Variants in COL5A1 observed in about 807,000 individuals in gnomAD.
The protein encoded by COL5A1 is collagen type V alpha 1 chain, also known as collagen alpha-1(V) chain.
A neutral mutation model predicts 263.7 loss-of-function variants in COL5A1; 16 were observed. That is an observed-to-expected ratio of 0.06 (90% CI 0.04 to 0.09). COL5A1 has a LOEUF of 0.09. Ranked by LOEUF, COL5A1 falls within the 10% of genes least tolerant of loss-of-function variation. The pLI is 1.00. For synonymous variants in COL5A1, 1,012 were observed against 1,004.5 expected (o/e 1.01, Z -0.14); for missense variants, 2,036 against 2,540.5 (o/e 0.80, Z 4.27).
chr9:134,662,244 G>A (rs952325201), intron 1 of COL5A1, among the ~76,000 whole-genome samples: 1 of 151,824 alleles, frequency 6.6e-6, no homozygotes, highest in Non-Finnish European at 1.5e-5. Flanking sequence ...AGTCGTGTAC[G>A]CGGCCAGCAC....
intron 1 of COL5A1, among the ~76,000 whole-genome samples, chr9:134,671,158 T>G (rs12378768): frequency 0.028 from 4,308 of 152,316 alleles, 86 homozygotes; most frequent in Non-Finnish European, 0.043. Context: ...TTCACCCACT[T>G]CTGGGAGGGC....
At chr9:134,784,419 C>G (rs1466680110) in intron 29 of COL5A1, among the ~76,000 whole-genome samples, 1 of 152,228 alleles carries the variant, frequency 6.6e-6, no homozygotes, top group African/African-American at 2.4e-5. Flanking sequence ...AGAGCCCTCT[C>G]CCCTTTCTGA....
At chr9:134,671,502 G>T (rs984153016) in intron 1 of COL5A1, among the ~76,000 whole-genome samples, 1 of 152,098 alleles carries the variant, frequency 6.6e-6, no homozygotes, top group East Asian at 1.9e-4. Flanking sequence ...CCTCCCAAAG[G>T]TCACAGTGAC....
At chr9:134,822,837 C>A in intron 59 of COL5A1, 161 bp from the exon 60 acceptor site, 1 of 856,048 alleles carries the variant, frequency 1.2e-6, no homozygotes, top group Non-Finnish European at 1.9e-6. Context: ...CAGGCCCCGA[C>A]CCTCCTCCCA....
chr9:134,744,458 C>A (rs1835406390), intron 11 of COL5A1, among the ~76,000 whole-genome samples: 1 of 152,026 alleles, frequency 6.6e-6, no homozygotes, highest in East Asian at 1.9e-4. Context: ...CACGCACACA[C>A]TCACCTATAC....
rs998762434 is a variant in COL5A1 at position 134,682,472 on chromosome 9, G to T, written c.110-8440G>T. ...CCCCAGGACCGACGGAGCCAGCCCA[G>T]TGCCAGGGACAGAGTTGGAAATAAC... On this transcript the variant is annotated intron_variant, in intron 1 of 65. Coordinates refer to ENST00000371817, the MANE Select transcript of COL5A1 (RefSeq NM_000093.5). This position sits in a 1 kb window ranked among gnomAD's most constrained non-coding sequence, Gnocchi z 5.1. Among the ~76,000 whole-genome samples the T allele has an allele frequency of 6.6e-6, 1 of 152,342 alleles. No individual in the cohort carries two copies. The highest frequency in any genetic ancestry group is 2.4e-5 in the African/African-American group (1 of 41,580).
chr9:134,805,204 C>T lies in COL5A1; in HGVS notation c.3248C>T (p.Pro1083Leu). The T allele has an allele frequency of 1.2e-6, 2 of 1,613,996 alleles. No individual in the cohort carries two copies. The highest frequency in any genetic ancestry group is 2.2e-5 in the South Asian group (2 of 91,090). The part of the protein sequence containing the change: ...LKGNEGPPGP[P>L]GPAGSPGERG... ...GGCAATGAAGGGCCCCCTGGCCCAC[C>T]AGGCCCTGCGGTGAGTCAAAGCCTT... Residue 1083 changes from proline (P) to leucine (L), a missense_variant, in exon 41 of 66, where the codon CCA becomes CTA. Coordinates refer to ENST00000371817, the MANE Select transcript of COL5A1 (RefSeq NM_000093.5).
intron 13 of COL5A1, among the ~76,000 whole-genome samples, 170 bp from the exon 14 acceptor site, chr9:134,752,419 C>CGGG (rs11386016): frequency 3.6e-5 from 5 of 140,304 alleles, no homozygotes; most frequent in African/African-American, 1.4e-4. Context: ...CCATCGAAGT[C>CGGG]GGGGGGGGGG....
intron 59 of COL5A1, 191 bp from the exon 60 acceptor site, chr9:134,822,807 C>T: frequency 1.4e-6 from 1 of 706,398 alleles, no homozygotes; most frequent in Non-Finnish European, 2.5e-6. Flanking sequence ...CCTGTGTCTC[C>T]ACGAGGGGTG....
At chr9:134,752,889 C>T (rs889005125) in intron 14 of COL5A1, among the ~76,000 whole-genome samples, 4 of 152,040 alleles carry the variant, frequency 2.6e-5, no homozygotes, top group South Asian at 2.1e-4. Context: ...GGGAGTTCAG[C>T]GGGGTAGAGC....
chr9:134,807,207 G>A (rs1838326546), intron 42 of COL5A1, among the ~76,000 whole-genome samples: 1 of 152,240 alleles, frequency 6.6e-6, no homozygotes, highest in African/African-American at 2.4e-5. Context: ...GTCAGAATGA[G>A]CTTGAGTTCT....
intron 4 of COL5A1, among the ~76,000 whole-genome samples, chr9:134,712,723 GC>G (rs1259214243): frequency 7.2e-6 from 1 of 138,724 alleles, no homozygotes; most frequent in Non-Finnish European, 1.5e-5. Flanking sequence ...CTTTCTTCTT[GC>G]CCCCATCTTT....
intron 23 of COL5A1, 29 bp downstream of exon 23, chr9:134,767,082 A>C: frequency 6.2e-7 from 1 of 1,610,690 alleles, no homozygotes. Flanking sequence ...GGCAGCTCGC[A>C]GGGATCCGGC....
At chr9:134,704,210 C>T (rs1833767523) in intron 4 of COL5A1, among the ~76,000 whole-genome samples, 1 of 152,072 alleles carries the variant, frequency 6.6e-6, no homozygotes, top group African/African-American at 2.4e-5. Context: ...CCACTGTTTC[C>T]CAGGGGTGAG....
In COL5A1 at chr9:134,789,735, G is replaced by A. The variant is rs530795164; in HGVS notation, c.2700+527G>A. On this transcript the variant is annotated intron_variant, in intron 32 of 65. Transcript: ENST00000371817. The surrounding 1 kb of genome is among the most constrained non-coding windows in gnomAD (Gnocchi z 4.8). Reference sequence around the variant, plus strand: ...AGTCCCCTTTGTCCTCACCCTCAGCGAAGGAACAGGGGGCCGGGCTGAGGG... The same window carrying A: ...AGTCCCCTTTGTCCTCACCCTCAGCAAAGGAACAGGGGGCCGGGCTGAGGG... 3.9e-5 allele frequency among the ~76,000 whole-genome samples: 6 copies of A among 152,302 alleles called. No individual in the cohort carries two copies. The highest frequency in any genetic ancestry group is 1.9e-4 in the East Asian group (1 of 5,182).
Position 134,795,266 on chromosome 9 carries a change from C to T in COL5A1, c.2750C>T (p.Pro917Leu), listed in dbSNP as rs375600865. 77 of 1,613,648 alleles carry T rather than the reference C, an allele frequency of 4.8e-5. No homozygotes were observed. The highest frequency in any genetic ancestry group is 7.7e-5 in the South Asian group (7 of 91,058). Reference sequence around the variant, plus strand: ...CCTTCTCTCCCATCTGTCCAGGGTCCGAGGGGTGAAAGAGGCCCCCGGGGC... The same window carrying T: ...CCTTCTCTCCCATCTGTCCAGGGTCTGAGGGGTGAAAGAGGCCCCCGGGGC... ...GPRGQRGPTG[P>L]RGERGPRGIT... Residue 917 changes from proline (P) to leucine (L), a missense_variant, in exon 34 of 66, where the codon CCG becomes CTG. Around this residue, in one of 3 missense-constraint regions of COL5A1, gnomAD observed 1,078 missense variants for 1,521.4 expected, o/e 0.71. Transcript: ENST00000371817.
At chr9:134,683,598 G>A (rs1328998266) in intron 1 of COL5A1, among the ~76,000 whole-genome samples, 1 of 152,246 alleles carries the variant, frequency 6.6e-6, no homozygotes, top group East Asian at 1.9e-4. Context: ...AGGCTGTTGT[G>A]TGTAGAAGCT....
intron 58 of COL5A1, 82 bp from the exon 59 acceptor site, chr9:134,822,015 G>A: frequency 2.5e-6 from 3 of 1,217,512 alleles, no homozygotes; most frequent in Non-Finnish European, 3.7e-6. Flanking sequence ...GGAGCCGAGG[G>A]GTGTGGCTGG....
intron 11 of COL5A1, among the ~76,000 whole-genome samples, chr9:134,748,090 CAG>C (rs1835628992): frequency 1.3e-5 from 1 of 79,152 alleles, no homozygotes; most frequent in Non-Finnish European, 3.0e-5. Context: ...CATGCATGCA[CAG>C]ACATGCATCC....
Sources: gnomAD v4.1 joint callset for allele counts (sites outside exome capture counted in the v4.1 genomes callset) on GRCh38, gnomAD v4.1.1 for gene constraint, gnomAD v4.1.1 regional missense constraint, Gnocchi (gnomAD v3.1) non-coding constraint, MANE v1.5 for transcripts, NCBI Gene and HGNC (gene_info 2026-07-23, HGNC 2026-07-21) for gene names.